The following ASH2L variants were observed in gnomAD, a reference collection of about 807,000 sequenced individuals.
ASH2L encodes the protein ASH2 like, histone lysine methyltransferase complex subunit.
In ASH2L, 30 loss-of-function variants were observed where a neutral mutation model predicts 81.1. The observed-to-expected ratio is 0.37, with a 90% confidence interval of 0.28 to 0.50. The LOEUF is 0.50. Among genes scored for constraint, ASH2L ranks in the 20% least tolerant of loss-of-function variants. The probability of loss-of-function intolerance (pLI) is 0.95; values close to 1 mark genes in which losing one functional copy is unlikely to be tolerated. For missense variants in ASH2L, 559 were observed against 792.1 expected (o/e 0.71, Z 3.53); for synonymous variants, 273 against 279.9 (o/e 0.98, Z 0.24).
intron 12 of ASH2L, among the ~76,000 whole-genome samples, chr8:38,130,440 GA>G (rs1261554136): frequency 2.0e-5 from 3 of 150,702 alleles, no homozygotes; most frequent in Non-Finnish European, 4.4e-5. Flanking sequence ...TAGTTTTTAT[GA>G]AGTCTGATTT....
chr8:38,111,936 C>G lies in ASH2L; in HGVS notation c.585+1103C>G, dbSNP rs548145637. On this transcript the variant is annotated intron_variant, in intron 5 of 15. Coordinates refer to ENST00000343823, the MANE Select transcript of ASH2L (RefSeq NM_004674.5). ...TAATATCCTCCTCTATAGCTTCTTT[C>G]TCCATCCAGGATCTGGTCAGGATCA... Among the ~76,000 whole-genome samples, 26 of 152,308 alleles carry G rather than the reference C, an allele frequency of 1.7e-4. No homozygotes were observed. In the South Asian group the frequency reaches 5.4e-3, roughly 32 times the overall value.
At chr8:38,105,990 T>TG in intron 1 of ASH2L, 2 of 1,531,340 alleles carry the variant, frequency 1.3e-6, no homozygotes. Flanking sequence ...GGCAGGAAGC[T>TG]GGTAGCTCAC....
chr8:38,117,351 G>A (rs1157661690), intron 8 of ASH2L: 2 of 606,516 alleles, frequency 3.3e-6, no homozygotes, highest in African/African-American at 4.0e-5. Context: ...AATATTTTAA[G>A]GTGGGTTGGA....
At chr8:38,113,278 A>AT (rs1810760105) in intron 5 of ASH2L, among the ~76,000 whole-genome samples, 1 of 151,934 alleles carries the variant, frequency 6.6e-6, no homozygotes, top group Middle Eastern at 3.4e-3. Flanking sequence ...CTCTTGTTGG[A>AT]TTTTTTCATT....
At chr8:38,138,706 C>T in intron 14 of ASH2L, 110 bp from the exon 15 acceptor site, 2 of 835,264 alleles carry the variant, frequency 2.4e-6, no homozygotes, top group South Asian at 3.1e-5. Flanking sequence ...TTCCATTTAT[C>T]CCCCGAGTAT....
intron 8 of ASH2L, chr8:38,117,590 TGGC>T (rs1215892685): frequency 4.5e-6 from 2 of 444,544 alleles, no homozygotes; most frequent in African/African-American, 2.1e-5. Context: ...ATTATGAAAA[TGGC>T]GGCAATAGCA....
intron 5 of ASH2L, among the ~76,000 whole-genome samples, chr8:38,112,623 C>T (rs1274790804): frequency 1.3e-5 from 2 of 152,094 alleles, no homozygotes; most frequent in Non-Finnish European, 2.9e-5. Flanking sequence ...TAGACTGTCA[C>T]ATCAGGAGGT....
At chr8:38,119,075 ACC>A in intron 8 of ASH2L, 193 bp from the exon 9 acceptor site, 6 of 514,240 alleles carry the variant, frequency 1.2e-5, no homozygotes, top group Non-Finnish European at 2.1e-5. Context: ...TATTGCCAGA[ACC>A]CAGTGTTCCC....
intron 7 of ASH2L, among the ~76,000 whole-genome samples, chr8:38,115,617 TACA>T (rs1810862157): frequency 1.3e-5 from 2 of 151,330 alleles, no homozygotes; most frequent in South Asian, 2.1e-4. Flanking sequence ...GCCTGGACAA[TACA>T]ACAAGACCTG....
At chr8:38,105,820 C>T (rs1810397762) in intron 1 of ASH2L, 82 bp downstream of exon 1, 8 of 1,465,254 alleles carry the variant, frequency 5.5e-6, no homozygotes, top group African/African-American at 1.4e-5. Context: ...GCCCTGCCGC[C>T]CGCCCCCTGC....
chr8:38,112,283 A>G (rs1810716484), intron 5 of ASH2L, among the ~76,000 whole-genome samples: 1 of 152,132 alleles, frequency 6.6e-6, no homozygotes, highest in East Asian at 1.9e-4. Context: ...ACAGGCATAA[A>G]CCAACACACC....
Position 38,105,744 on chromosome 8 carries a change from A to G in ASH2L, c.188+6A>G. On this transcript the variant is annotated splice_donor_region_variant and intron_variant, in intron 1 of 15. Transcript: ENST00000343823. ...TCCGGGGAGGCTGAAGGCGGGTAAG[A>G]GGTCCTGCCGCCCGAGGAAGACGCG... 2 of 1,511,888 alleles carry G rather than the reference A, an allele frequency of 1.3e-6. No homozygotes were observed. The highest frequency in any genetic ancestry group is 1.8e-6 in the Non-Finnish European group (2 of 1,133,564). 93.7% of individuals were successfully genotyped at this position (1,511,888 alleles called of 1,614,324 possible).
At chr8:38,110,582 G>A (rs1030109001) in intron 4 of ASH2L, 115 bp downstream of exon 4, 2 of 1,182,324 alleles carry the variant, frequency 1.7e-6, no homozygotes, top group African/African-American at 3.0e-5. Context: ...TTCAGTTGGG[G>A]TTTAGCTCTG....
chr8:38,110,861 T>C, intron 5 of ASH2L, 28 bp downstream of exon 5: 2 of 1,583,340 alleles, frequency 1.3e-6, no homozygotes, highest in Non-Finnish European at 1.7e-6. Flanking sequence ...GTGATTGCAG[T>C]TATATTGAAG....
chr8:38,115,932 A>T (rs910044945), intron 7 of ASH2L, among the ~76,000 whole-genome samples: 1 of 152,200 alleles, frequency 6.6e-6, no homozygotes, highest in African/African-American at 2.4e-5. Flanking sequence ...ATTGTTTAGA[A>T]TTGTCCATTT....
chr8:38,130,663 A>G (rs749361742), intron 12 of ASH2L, among the ~76,000 whole-genome samples: 5 of 151,734 alleles, frequency 3.3e-5, no homozygotes, highest in Non-Finnish European at 5.9e-5. Context: ...CAATGGTGCA[A>G]TCTTGGCTCA....
At position 38,138,985 on chromosome 8, in the gene ASH2L, G is replaced by A; in HGVS notation, c.1801G>A (p.Ala601Thr). ...YRPMSDMGWG[A>T]VVEHTLADVL... ...GCAGATGAGTGACATGGGCTGGGGC[G>A]CCGTGGTAGAGCACACCCTGGCTGA... Residue 601 changes from alanine (A) to threonine (T), a missense_variant, in exon 16 of 16, where the codon GCC (alanine) becomes ACC (threonine). This residue lies in a region of ASH2L where 95 missense variants were observed against 130.7 expected (regional missense o/e 0.73). Coordinates refer to ENST00000343823, the MANE Select transcript of ASH2L (RefSeq NM_004674.5). 2.5e-6 allele frequency: 4 copies of A among 1,613,882 alleles called. No homozygotes were observed. Among genetic ancestry groups the A allele is most frequent in the South Asian group, 1.1e-5 (1 of 91,066 alleles).
rs1802389522 is a variant in ASH2L at position 38,139,343 on chromosome 8, A to C, written c.*272A>C. ...CCCTGTGAAATCGGTGCTGTACTGC[A>C]TACCCTGCCAGCTGTGACTTGTTAT... On this transcript the variant is annotated 3_prime_UTR_variant, in exon 16 of 16. Transcript: ENST00000343823. The C allele has an allele frequency of 3.1e-6, 1 of 320,250 alleles. No homozygotes were observed. The highest frequency in any genetic ancestry group is 5.7e-6 in the Non-Finnish European group (1 of 174,650). The allele number at this position is 320,250 out of a possible 1,614,324, so 19.8% of individuals were successfully genotyped here. A position where few individuals can be genotyped will look rare whatever the true frequency, so the allele number is the denominator to read the frequency against.
rs115993679 is a variant in ASH2L, at chr8:38,135,512, A to G, written c.1621-156A>G. Among the ~76,000 whole-genome samples, 401 of 152,272 alleles carry G rather than the reference A, an allele frequency of 2.6e-3. 2 individuals carry two copies. Among genetic ancestry groups the G allele is most frequent in the African/African-American group, 9.2e-3 (384 of 41,554 alleles). On this transcript the variant is annotated intron_variant, in intron 13 of 15. Coordinates refer to ENST00000343823, the MANE Select transcript of ASH2L (RefSeq NM_004674.5). ...GCTTTGAAAAATCGAAAGTATTATA[A>G]AAATTGAAGATGTTGTTATTACACA...
Sources: gnomAD v4.1 joint callset for allele counts (sites outside exome capture counted in the v4.1 genomes callset) on GRCh38, gnomAD v4.1.1 for gene constraint, gnomAD v4.1.1 regional missense constraint, MANE v1.5 for transcripts, NCBI Gene and HGNC (gene_info 2026-07-23, HGNC 2026-07-21) for gene names.